The following CAB39L variants were observed in gnomAD, a reference collection of about 807,000 sequenced individuals.
The protein encoded by CAB39L is calcium-binding protein 39-like.
CAB39L carries 23 observed loss-of-function variants against 39.1 expected under a neutral mutation model. The observed-to-expected ratio is 0.59, with a 90% confidence interval of 0.42 to 0.83. CAB39L has a LOEUF of 0.83. Among genes scored for constraint, CAB39L ranks in the 40% least tolerant of loss-of-function variants. CAB39L has a pLI of 0.00. For synonymous variants in CAB39L, 126 were observed against 137.2 expected (o/e 0.92, Z 0.57); for missense variants, 366 against 391.9 (o/e 0.93, Z 0.56).
intron 5 of CAB39L, among the ~76,000 whole-genome samples, chr13:49,376,284 G>A (rs574423413): frequency 4.6e-5 from 7 of 152,252 alleles, no homozygotes; most frequent in Middle Eastern, 3.4e-3. Flanking sequence ...GACTTCTGTC[G>A]CCTCAACAGT....
At chr13:49,315,683 G>C (rs1954135932) in intron 10 of CAB39L, among the ~76,000 whole-genome samples, 1 of 151,938 alleles carries the variant, frequency 6.6e-6, no homozygotes, top group Non-Finnish European at 1.5e-5. Flanking sequence ...TCAGGAGTTT[G>C]AGACCAGCCT....
At chr13:49,377,811 CA>C (rs1469372923) in intron 4 of CAB39L, among the ~76,000 whole-genome samples, 1 of 94,508 alleles carries the variant, frequency 1.1e-5, no homozygotes. Context: ...GCCCGGCCGC[CA>C]CCCCGTCTGG....
intron 3 of CAB39L, among the ~76,000 whole-genome samples, chr13:49,425,576 A>C (rs1378818320): frequency 6.6e-6 from 1 of 152,246 alleles, no homozygotes; most frequent in Admixed American, 6.5e-5. Context: ...ACTATGCAAA[A>C]ACAGGCACAA....
chr13:49,442,444 CTGGAAGATACAAGTCAAG>C (rs1267383173), intron 1 of CAB39L, among the ~76,000 whole-genome samples: 15 of 152,026 alleles, frequency 9.9e-5, no homozygotes, highest in Non-Finnish European at 2.9e-5. Context: ...GACAAGCCAA[CTGGAAGATACAAGTCAAG>C]TGGAAGATAC....
chr13:49,403,798 C>T (rs866399582), intron 3 of CAB39L, among the ~76,000 whole-genome samples: 4 of 151,782 alleles, frequency 2.6e-5, no homozygotes, highest in Middle Eastern at 3.2e-3. Context: ...ACCCTATAAA[C>T]TCTGGAATGA....
chr13:49,339,767 G>C, intron 8 of CAB39L, 25 bp from the exon 9 acceptor site: 1 of 1,535,670 alleles, frequency 6.5e-7, no homozygotes, highest in South Asian at 1.3e-5. Context: ...ATACACATTA[G>C]AGTGTAAAAG....
chr13:49,355,642 G>A (rs1443952653), intron 6 of CAB39L, among the ~76,000 whole-genome samples: 1 of 151,702 alleles, frequency 6.6e-6, no homozygotes, highest in Admixed American at 6.6e-5. Context: ...CACCTAGAAG[G>A]GGCCACAGAT....
chr13:49,382,327 A>G (rs1363351773), intron 4 of CAB39L, among the ~76,000 whole-genome samples: 1 of 152,108 alleles, frequency 6.6e-6, no homozygotes, highest in East Asian at 1.9e-4. Context: ...TTTCTTTTAT[A>G]GATATCTTGA....
At chr13:49,437,152 T>C (rs933546480) in intron 1 of CAB39L, among the ~76,000 whole-genome samples, 23 of 152,244 alleles carry the variant, frequency 1.5e-4, no homozygotes, top group African/African-American at 5.5e-4. Flanking sequence ...TCTGTTCATC[T>C]TGAAATATTT....
rs1319667192 is a variant in CAB39L at position 49,385,087 on chromosome 13, C to T, written c.-31-2146G>A. 1.2e-4 allele frequency among the ~76,000 whole-genome samples: 18 copies of T among 152,280 alleles called. No individual in the cohort carries two copies. The South Asian group carries it at 3.1e-3, about 26-fold the overall frequency. The stretch of plus-strand genomic sequence containing the variant: ...TCCTAGATGGCATCTTCTTCCAATA[C>T]GAGGGTGTTCCATCTACACTGAAAA... On this transcript the variant is annotated intron_variant, in intron 3 of 10. Transcript: ENST00000409308.
chr13:49,402,503 T>C (rs138388700), intron 3 of CAB39L, among the ~76,000 whole-genome samples: 85 of 152,296 alleles, frequency 5.6e-4, no homozygotes, highest in African/African-American at 1.9e-3. Context: ...CATCTCCCAC[T>C]ATGTCCCCAG....
intron 3 of CAB39L, among the ~76,000 whole-genome samples, chr13:49,406,166 GCTC>G (rs1053670586): frequency 2.8e-5 from 4 of 144,116 alleles, no homozygotes; most frequent in African/African-American, 8.0e-5. Flanking sequence ...CAATTGGAAT[GCTC>G]TTTTTTTTTT....
chr13:49,366,410 C>A (rs1484139211), intron 5 of CAB39L, among the ~76,000 whole-genome samples: 2 of 151,010 alleles, frequency 1.3e-5, no homozygotes, highest in Admixed American at 6.6e-5. Context: ...CATGCTCTCA[C>A]GAGGTCAGGA....
In CAB39L at chr13:49,407,381, T is replaced by C. The variant is rs116491594; in HGVS notation, c.-31-24440A>G. On this transcript the variant is annotated intron_variant, in intron 3 of 10. Coordinates refer to ENST00000409308, the MANE Select transcript of CAB39L (RefSeq NM_001079670.3). Reference sequence around the variant, plus strand: ...AATCCATCTTGGCATACTCGTACTATAACAATTCACTAGCAATAAGTCCTA... The same window carrying C: ...AATCCATCTTGGCATACTCGTACTACAACAATTCACTAGCAATAAGTCCTA... Among the ~76,000 whole-genome samples, 550 of 152,338 alleles carry C rather than the reference T, an allele frequency of 3.6e-3. 4 individuals are homozygous for C. The highest frequency in any genetic ancestry group is 0.011 in the African/African-American group (476 of 41,568).
At chr13:49,399,063 A>T (rs1358763179) in intron 3 of CAB39L, among the ~76,000 whole-genome samples, 3 of 152,014 alleles carry the variant, frequency 2.0e-5, no homozygotes, top group Non-Finnish European at 4.4e-5. Flanking sequence ...TCTTTCTCAT[A>T]AGGAAAAACG....
At chr13:49,315,803 T>C (rs1204232759) in intron 10 of CAB39L, among the ~76,000 whole-genome samples, 1 of 149,358 alleles carries the variant, frequency 6.7e-6, no homozygotes, top group Non-Finnish European at 1.5e-5. Flanking sequence ...GAGAATGGCT[T>C]GAACCCAGAA....
chr13:49,418,538 T>C (rs1054598996), intron 3 of CAB39L, among the ~76,000 whole-genome samples: 5 of 152,222 alleles, frequency 3.3e-5, no homozygotes, highest in Non-Finnish European at 7.3e-5. Context: ...CTAGGATACA[T>C]TAATTCTATC....
At chr13:49,342,417 G>T (rs1490435648) in intron 8 of CAB39L, among the ~76,000 whole-genome samples, 1 of 151,968 alleles carries the variant, frequency 6.6e-6, no homozygotes, top group Admixed American at 6.6e-5. Context: ...ACATGAAATT[G>T]TTTTTTGCTT....
In CAB39L at chr13:49,350,823, G is replaced by A; in HGVS notation, c.485C>T (p.Ser162Phe). 6.2e-7 allele frequency: 1 copy of A among 1,612,436 alleles called. No homozygotes were observed. Among genetic ancestry groups the A allele is most frequent in the Non-Finnish European group, 8.5e-7 (1 of 1,179,080 alleles). Residue 162 changes from serine to phenylalanine, a missense_variant, in exon 7 of 11, where the codon TCT (serine) becomes TTT (phenylalanine). Coordinates refer to ENST00000409308, the MANE Select transcript of CAB39L (RefSeq NM_001079670.3). The stretch of plus-strand genomic sequence containing the variant: ...CTTAAAGAAATCTCTGAATTGATTA[G>A]AAAAGAGGATGATTTTGGCAAGTGG... ...HEPLAKIILF[S>F]NQFRDFFKYV...
Sources: gnomAD v4.1 joint callset for allele counts (sites outside exome capture counted in the v4.1 genomes callset) on GRCh38, gnomAD v4.1.1 for gene constraint, MANE v1.5 for transcripts, NCBI Gene and HGNC (gene_info 2026-07-23, HGNC 2026-07-21) for gene names.